The following NBAS variants were observed in gnomAD, a reference collection of about 807,000 sequenced individuals.
NBAS encodes the protein NAG/BC035112 fusion.
In NBAS, 219 loss-of-function variants were observed where a neutral mutation model predicts 302.5. That is an observed-to-expected ratio of 0.72 (90% confidence interval 0.65 to 0.81). The LOEUF (loss-of-function observed/expected upper bound fraction) is 0.81. Ranked by LOEUF, NBAS falls within the 30% of genes least tolerant of loss-of-function variation. NBAS has a pLI of 0.00. For missense variants in NBAS, 2,932 were observed against 2,841.6 expected (o/e 1.03, Z -0.72); for synonymous variants, 1,118 against 1,021.6 (o/e 1.09, Z -1.80).
chr2:15,148,007 G>A, the NBAS span, among the ~76,000 whole-genome samples: 1 of 152,164 alleles, frequency 6.6e-6, no homozygotes, highest in Non-Finnish European at 1.5e-5. Context: ...GGGACAGAAA[G>A]GATGCAGAGA....
chr2:15,308,438 C>T (rs1047502577), intron 39 of NBAS, 85 bp from the exon 40 acceptor site: 2 of 1,527,324 alleles, frequency 1.3e-6, no homozygotes, highest in Admixed American at 1.9e-5. Context: ...GTCATTCCTG[C>T]AGATTTTTTG....
the NBAS span, among the ~76,000 whole-genome samples, chr2:14,801,402 T>C: frequency 6.6e-6 from 1 of 152,200 alleles, no homozygotes; most frequent in African/African-American, 2.4e-5. Context: ...GACTTTAATT[T>C]CACCAATTTT....
chr2:15,487,369 T>C (rs1680673445), intron 12 of NBAS, among the ~76,000 whole-genome samples: 1 of 152,196 alleles, frequency 6.6e-6, no homozygotes, highest in African/African-American at 2.4e-5. Flanking sequence ...TCCCTCGGTA[T>C]ATGCAGGGTT....
intron 38 of NBAS, among the ~76,000 whole-genome samples, chr2:15,320,135 A>G (rs1366410109): frequency 6.6e-6 from 1 of 152,218 alleles, no homozygotes; most frequent in Admixed American, 6.5e-5. Flanking sequence ...AAACAGAACC[A>G]ATGACAAAAA....
At chr2:15,111,178 T>C in the NBAS span, among the ~76,000 whole-genome samples, 2 of 152,090 alleles carry the variant, frequency 1.3e-5, no homozygotes, top group African/African-American at 2.4e-5. Flanking sequence ...GATAATGTCT[T>C]AAAATGACAA....
chr2:14,781,973 T>C, the NBAS span, among the ~76,000 whole-genome samples: 15 of 152,174 alleles, frequency 9.9e-5, no homozygotes, highest in South Asian at 2.9e-3. Flanking sequence ...ACCCTGTCTG[T>C]CTCTTCCTCC....
intron 21 of NBAS, among the ~76,000 whole-genome samples, chr2:15,447,615 C>T (rs78603463): frequency 0.013 from 1,931 of 152,114 alleles, 31 homozygotes; most frequent in East Asian, 0.059. Flanking sequence ...TTCATTTTCC[C>T]GTATCCATAA....
chr2:15,508,960 C>T (rs184183955), intron 10 of NBAS, among the ~76,000 whole-genome samples: 19 of 152,050 alleles, frequency 1.2e-4, no homozygotes, highest in East Asian at 7.8e-4. Flanking sequence ...CCAAGAAAGC[C>T]GCAGACATCA....
chr2:15,447,594 T>C (rs986357906), intron 21 of NBAS, among the ~76,000 whole-genome samples: 1 of 152,178 alleles, frequency 6.6e-6, no homozygotes, highest in East Asian at 1.9e-4. Context: ...AAGTTGCACA[T>C]TGATGATTTG....
intron 38 of NBAS, among the ~76,000 whole-genome samples, chr2:15,326,497 T>C (rs1484192622): frequency 6.6e-6 from 1 of 152,202 alleles, no homozygotes; most frequent in Non-Finnish European, 1.5e-5. Context: ...ACTACCTTGA[T>C]AACCATTCAT....
chr2:15,004,667 A>T, the NBAS span, among the ~76,000 whole-genome samples: 3 of 105,440 alleles, frequency 2.8e-5, no homozygotes, highest in African/African-American at 3.8e-5. Flanking sequence ...CTCCCAGCTG[A>T]TTTTTTTTTT....
intron 49 of NBAS, among the ~76,000 whole-genome samples, chr2:15,188,403 T>A (rs1395898343): frequency 6.6e-6 from 1 of 152,178 alleles, no homozygotes; most frequent in Non-Finnish European, 1.5e-5. Context: ...TCAATTGGAT[T>A]GTCTAAAAGG....
chr2:15,426,754 C>T (rs1172289593), intron 22 of NBAS, among the ~76,000 whole-genome samples: 1 of 152,104 alleles, frequency 6.6e-6, no homozygotes, highest in Non-Finnish European at 1.5e-5. Flanking sequence ...GTATGTTTTG[C>T]CCTTCTTGTT....
At chr2:15,027,690 G>T in the NBAS span, among the ~76,000 whole-genome samples, 1 of 152,058 alleles carries the variant, frequency 6.6e-6, no homozygotes, top group Non-Finnish European at 1.5e-5. Context: ...GGAATAGTAG[G>T]CTTCCTCTGC....
intron 28 of NBAS, among the ~76,000 whole-genome samples, chr2:15,388,830 A>G (rs2148397370): frequency 6.6e-6 from 1 of 152,342 alleles, no homozygotes; most frequent in Non-Finnish European, 1.5e-5. Context: ...ATGTTATACC[A>G]ACAATACAGA....
In NBAS at chr2:15,366,622, A is replaced by G. The variant is rs754488562; in HGVS notation, c.3775T>C (p.Ser1259Pro). 6 of 1,614,062 alleles carry G rather than the reference A, an allele frequency of 3.7e-6. No individual in the cohort carries two copies. The South Asian group carries it at 6.6e-5, about 18-fold the overall frequency. Reference protein sequence around the residue: ...ISQSPTCYKQSTKLLGLAELL... With the variant: ...ISQSPTCYKQPTKLLGLAELL... The stretch of plus-strand genomic sequence containing the variant: ...TCAGCAAGGCCCAGAAGCTTGGTGG[A>G]TTGTTTATAGCATGTGGGGGACTGG... Residue 1259 changes from serine (S) to proline (P), a missense_variant, in exon 32 of 52, where the codon TCC becomes CCC. Transcript: ENST00000281513.
chr2:15,096,216 C>A, the NBAS span, among the ~76,000 whole-genome samples: 7 of 152,214 alleles, frequency 4.6e-5, no homozygotes, highest in African/African-American at 1.4e-4. Flanking sequence ...GCCCCACATT[C>A]ATAACTTTGC....
Position 15,467,910 on chromosome 2 carries a change from C to G in NBAS, c.1878-106G>C, listed in dbSNP as rs1679793254. 9 of 1,044,536 alleles carry G rather than the reference C, an allele frequency of 8.6e-6. 1 individual carries two copies. In the South Asian group the frequency reaches 1.4e-4, roughly 16 times the overall value. 64.7% of individuals were successfully genotyped at this position (1,044,536 alleles called of 1,614,324 possible). On this transcript the variant is annotated intron_variant, in intron 17 of 51. Transcript: ENST00000281513. ...ATTTCATTATTGATTTCCACAAAAA[C>G]AGAAGAAAGTATTTGAAAAAAACTT...
chr2:14,943,070 A>G, the NBAS span, among the ~76,000 whole-genome samples: 1 of 152,232 alleles, frequency 6.6e-6, no homozygotes, highest in African/African-American at 2.4e-5. Context: ...CATTCTCAGC[A>G]TGAGGCTATT....
Sources: allele counts gnomAD v4.1 joint callset (sites outside exome capture counted in the v4.1 genomes callset), GRCh38; gene constraint gnomAD v4.1.1; transcripts MANE v1.5; gene names NCBI Gene and HGNC (gene_info 2026-07-23, HGNC 2026-07-21).